KCNJ5: variants seen among roughly 807,000 people sequenced by gnomAD.
The protein encoded by KCNJ5 is G protein-activated inward rectifier potassium channel 4.
In KCNJ5, 12 loss-of-function variants were observed where a neutral mutation model predicts 20.2. The ratio of observed to expected loss-of-function variants is 0.59; its 90% CI spans 0.38 to 0.96. KCNJ5 has a LOEUF of 0.96. Among genes scored for constraint, KCNJ5 ranks in the 40% least tolerant of loss-of-function variants. The pLI is 0.00. For synonymous variants in KCNJ5, 210 were observed against 213.9 expected, an observed-to-expected ratio of 0.98 and a Z score of 0.16; for missense variants, 449 against 557.6, an observed-to-expected ratio of 0.81 and a Z score of 1.96.
intron 1 of KCNJ5, among the ~76,000 whole-genome samples, chr11:128,894,060 T>C (rs1403222068): frequency 6.6e-6 from 1 of 152,250 alleles, no homozygotes. Context: ...ACGACTAGAA[T>C]GCCCATTCTC....
In KCNJ5 at chr11:128,916,796, G is replaced by T; in HGVS notation, c.*65G>T. On this transcript the variant is annotated 3_prime_UTR_variant, in exon 3 of 3. Transcript: ENST00000529694. ...GTGAACACAGACACTGCAGAGCCTG[G>T]GAGCAGGGGAGGGGAATAGTTGAGT... 1 of 1,239,498 alleles carries T rather than the reference G, an allele frequency of 8.1e-7. No individual in the cohort carries two copies. Among genetic ancestry groups the T allele is most frequent in the South Asian group, 1.4e-5 (1 of 70,260 alleles). 76.8% of individuals were successfully genotyped at this position (1,239,498 alleles called of 1,614,324 possible). A position where few individuals can be genotyped will look rare whatever the true frequency, so the allele number is the denominator to read the frequency against.
intron 1 of KCNJ5, chr11:128,904,734 G>A: frequency 1.7e-6 from 1 of 577,114 alleles, no homozygotes; most frequent in African/African-American, 2.0e-5. Flanking sequence ...CAAACACCCA[G>A]TGGGTGTTGA....
At chr11:128,916,263 T>TGGATGGA in intron 2 of KCNJ5, 146 bp from the exon 3 acceptor site, 1 of 685,144 alleles carries the variant, frequency 1.5e-6, no homozygotes, top group East Asian at 2.7e-5. Context: ...GATGGATGGA[T>TGGATGGA]GGATGGATGG....
In KCNJ5 at chr11:128,918,785, G is replaced by T. The variant is rs7929458; in HGVS notation, c.*2054G>T. The T allele has an allele frequency of 0.052, 7,872 of 152,380 alleles. 689 individuals carry two copies. The highest frequency in any genetic ancestry group is 0.18 in the African/African-American group (7,463 of 41,518). The allele number at this position is 152,380 out of a possible 1,614,324, so 9.4% of individuals were successfully genotyped here. A position where few individuals can be genotyped will look rare whatever the true frequency, so the allele number is the denominator to read the frequency against. ...GTGGGCTCCCCACTCCCAGGGAGGG[G>T]CTCCATAAGCTTTGCTCCTGGGCTG... On this transcript the variant is annotated 3_prime_UTR_variant, in exon 3 of 3. Transcript: ENST00000529694.
chr11:128,892,728 A>T (rs528794132), intron 1 of KCNJ5, among the ~76,000 whole-genome samples: 3 of 152,228 alleles, frequency 2.0e-5, no homozygotes, highest in Non-Finnish European at 2.9e-5. Context: ...CCTCGTTTTC[A>T]TCAAAAGCCA....
intron 1 of KCNJ5, among the ~76,000 whole-genome samples, chr11:128,893,703 G>GCA: frequency 2.0e-5 from 3 of 152,262 alleles, no homozygotes; most frequent in South Asian, 2.1e-4. Context: ...AGGGTGAGGG[G>GCA]GGGGGTCAAA....
At chr11:128,915,489 T>C (rs1944563387) in intron 2 of KCNJ5, among the ~76,000 whole-genome samples, 1 of 152,262 alleles carries the variant, frequency 6.6e-6, no homozygotes, top group African/African-American at 2.4e-5. Context: ...GCTGAATTTA[T>C]CTTTGCCCTT....
At position 128,917,324 on chromosome 11, in the gene KCNJ5, A is replaced by G. The variant is rs1430834259; in HGVS notation, c.*593A>G. 2 of 153,174 alleles carry G rather than the reference A, an allele frequency of 1.3e-5. No homozygotes were observed. The highest frequency in any genetic ancestry group is 2.4e-5 in the African/African-American group (1 of 41,466). The allele number at this position is 153,174 out of a possible 1,614,324, so 9.5% of individuals were successfully genotyped here. On this transcript the variant is annotated 3_prime_UTR_variant, in exon 3 of 3. Coordinates refer to ENST00000529694, the MANE Select transcript of KCNJ5 (RefSeq NM_000890.5). ...GGTGTTCTCTGCTGTTATCTGCCAA[A>G]TGTGTGTGTTTTTCCTCTGCTGTGT...
At chr11:128,916,355 T>G (rs1228745933) in intron 2 of KCNJ5, 54 bp from the exon 3 acceptor site, 2 of 1,310,808 alleles carry the variant, frequency 1.5e-6, no homozygotes, top group Non-Finnish European at 2.2e-6. Flanking sequence ...GATGAATGGA[T>G]GGATAGATGG....
chr11:128,904,351 T>C (rs1944353442), intron 1 of KCNJ5: 7 of 1,557,682 alleles, frequency 4.5e-6, no homozygotes, highest in Non-Finnish European at 6.1e-6. Flanking sequence ...CTGCACTGAT[T>C]TTTTTTGCCT....
intron 1 of KCNJ5, among the ~76,000 whole-genome samples, chr11:128,905,058 G>A (rs560332961): frequency 3.3e-5 from 5 of 152,362 alleles, no homozygotes; most frequent in Admixed American, 2.6e-4. Flanking sequence ...GAAAAGCTGG[G>A]AAACCAGGAC....
At chr11:128,896,658 A>T (rs1944182182) in intron 1 of KCNJ5, among the ~76,000 whole-genome samples, 1 of 151,586 alleles carries the variant, frequency 6.6e-6, no homozygotes, top group South Asian at 2.1e-4. Context: ...AGTAGCGGGA[A>T]TGTACCACAG....
intron 1 of KCNJ5, among the ~76,000 whole-genome samples, chr11:128,896,531 C>A (rs1350272404): frequency 6.6e-6 from 1 of 151,962 alleles, no homozygotes; most frequent in African/African-American, 2.4e-5. Context: ...AGTATGTAAT[C>A]TTTTGGGATT....
chr11:128,891,460 A>AGAGAGAGG lies in KCNJ5; in HGVS notation c.-265_-264insGGAGAGAG, dbSNP rs1944087673. The AGAGAGAGG allele has an allele frequency of 1.3e-4, 19 of 150,834 alleles. No individual in the cohort carries two copies. The highest frequency in any genetic ancestry group is 4.8e-4 in the African/African-American group (19 of 39,986). 9.3% of individuals were successfully genotyped at this position (150,834 alleles called of 1,614,324 possible). A position where few individuals can be genotyped will look rare whatever the true frequency, so the allele number is the denominator to read the frequency against. On this transcript the variant is annotated 5_prime_UTR_variant, in exon 1 of 3. Transcript: ENST00000529694. ...CACACACAGAGAGAGAGAGAGAGAG[A>AGAGAGAGG]GAGAGAGAGAGAGAGATTGTTCCAG...
At chr11:128,894,374 T>C (rs1196509771) in intron 1 of KCNJ5, among the ~76,000 whole-genome samples, 1 of 152,108 alleles carries the variant, frequency 6.6e-6, no homozygotes, top group Non-Finnish European at 1.5e-5. Context: ...GGTGGAAGGA[T>C]GGTGGAGAGA....
intron 1 of KCNJ5, among the ~76,000 whole-genome samples, chr11:128,903,828 C>T (rs1037123520): frequency 1.3e-5 from 2 of 152,144 alleles, no homozygotes; most frequent in Admixed American, 6.5e-5. Flanking sequence ...CGGGAAGTGA[C>T]CCGAGCTGCC....
Position 128,919,586 on chromosome 11 carries a change from A to C in KCNJ5, c.*2855A>C, listed in dbSNP as rs570332502. ...TTTGAAAAGTTCTTCATTTTCTAGA[A>C]GTTCTTGAATAAACATGGACTTACT... On this transcript the variant is annotated 3_prime_UTR_variant, in exon 3 of 3. Coordinates refer to ENST00000529694, the MANE Select transcript of KCNJ5 (RefSeq NM_000890.5). 3.3e-5 allele frequency: 5 copies of C among 152,388 alleles called. No individual in the cohort carries two copies. The East Asian group carries it at 9.6e-4, about 29-fold the overall frequency. 9.4% of individuals were successfully genotyped at this position (152,388 alleles called of 1,614,324 possible). A position where few individuals can be genotyped will look rare whatever the true frequency, so the allele number is the denominator to read the frequency against.
chr11:128,898,574 C>T (rs1344907895), intron 1 of KCNJ5, among the ~76,000 whole-genome samples: 1 of 152,282 alleles, frequency 6.6e-6, no homozygotes, highest in African/African-American at 2.4e-5. Context: ...CCTCAGCTTT[C>T]GTTCTAATGC....
chr11:128,892,299 CAG>C (rs1199229466), intron 1 of KCNJ5, among the ~76,000 whole-genome samples: 4 of 152,218 alleles, frequency 2.6e-5, no homozygotes, highest in Non-Finnish European at 5.9e-5. Context: ...CCTGTGAGGA[CAG>C]AGGATAGGGA....
Sources: gnomAD v4.1 joint callset for allele counts (sites outside exome capture counted in the v4.1 genomes callset) on GRCh38, gnomAD v4.1.1 for gene constraint, MANE v1.5 for transcripts, NCBI Gene and HGNC (gene_info 2026-07-23, HGNC 2026-07-21) for gene names.